EFNA5: variants seen among roughly 807,000 people sequenced by gnomAD.
EFNA5 encodes the protein ephrin A5.
EFNA5 carries 5 observed loss-of-function variants against 22.9 expected under a neutral mutation model. That is an observed-to-expected ratio of 0.22 (90% CI 0.11 to 0.46). The LOEUF (loss-of-function observed/expected upper bound fraction) is 0.46, where lower values mean the gene tolerates loss of function less well. Ranked by LOEUF, EFNA5 falls within the 20% of genes least tolerant of loss-of-function variation. The pLI is 0.99. For missense variants in EFNA5, 237 were observed against 293.3 expected, an observed-to-expected ratio of 0.81 and a Z score of 1.40; for synonymous variants, 113 against 112.2, an observed-to-expected ratio of 1.01 and a Z score of -0.04.
At chr5:107,478,066 T>C (rs1276963034) in intron 1 of EFNA5, among the ~76,000 whole-genome samples, 1 of 152,124 alleles carries the variant, frequency 6.6e-6, no homozygotes, top group African/African-American at 2.4e-5. Flanking sequence ...CTGACAGATA[T>C]ATAATGCCAT....
chr5:107,616,858 T>C (rs1364652525), intron 1 of EFNA5, among the ~76,000 whole-genome samples: 3 of 152,156 alleles, frequency 2.0e-5, no homozygotes, highest in Admixed American at 6.5e-5. Context: ...AAATATTAAT[T>C]TGAATGAGTT....
intron 2 of EFNA5, among the ~76,000 whole-genome samples, chr5:107,389,721 G>A (rs1340056632): frequency 4.6e-5 from 7 of 152,216 alleles, no homozygotes; most frequent in South Asian, 2.1e-4. Flanking sequence ...CAAACGATAC[G>A]CCTCCAGGAA....
chr5:107,550,216 T>A (rs1748259087), intron 1 of EFNA5, among the ~76,000 whole-genome samples: 1 of 152,224 alleles, frequency 6.6e-6, no homozygotes, highest in South Asian at 2.1e-4. Context: ...AGGGAACAAC[T>A]CTTGTCAGCA....
At chr5:107,592,114 T>G (rs1310348557) in intron 1 of EFNA5, among the ~76,000 whole-genome samples, 2 of 128,224 alleles carry the variant, frequency 1.6e-5, no homozygotes, top group African/African-American at 6.1e-5. Flanking sequence ...TTTATATATA[T>G]TATATATAGA....
chr5:107,582,432 G>A (rs1446716920), intron 1 of EFNA5, among the ~76,000 whole-genome samples: 1 of 152,124 alleles, frequency 6.6e-6, no homozygotes, highest in Admixed American at 6.5e-5. Context: ...TTCAATAAAT[G>A]TTTAGAGAAC....
chr5:107,407,245 T>C (rs1343062370), intron 2 of EFNA5, among the ~76,000 whole-genome samples: 1 of 152,068 alleles, frequency 6.6e-6, no homozygotes, highest in African/African-American at 2.4e-5. Context: ...TAATGCCGAG[T>C]AGGAGCAGCA....
At chr5:107,516,211 T>TG (rs10674517) in intron 1 of EFNA5, among the ~76,000 whole-genome samples, 3 of 150,804 alleles carry the variant, frequency 2.0e-5, no homozygotes, top group East Asian at 1.9e-4. Context: ...TGTGTGTGTG[T>TG]TAATTTTTGG....
rs564830443 is a variant in EFNA5 at position 107,494,580 on chromosome 5, A to G, written c.126-67071T>C. 3.2e-3 allele frequency among the ~76,000 whole-genome samples: 486 copies of G among 152,328 alleles called. 4 individuals carry two copies. The highest frequency in any genetic ancestry group is 0.011 in the African/African-American group (442 of 41,582). ...CGACCACCCAAGGGCTGAGGAGTGC[A>G]GGCACACGGCACGGGACTGGCAGGC... On this transcript the variant is annotated intron_variant, in intron 1 of 4. Transcript: ENST00000333274.
intron 1 of EFNA5, among the ~76,000 whole-genome samples, chr5:107,545,300 T>C (rs1466532043): frequency 6.6e-6 from 1 of 152,256 alleles, no homozygotes; most frequent in Non-Finnish European, 1.5e-5. Context: ...CAAAAACACA[T>C]GCAGTATTTC....
In EFNA5 at chr5:107,647,823, T is replaced by C. The variant is rs145461474; in HGVS notation, c.125+22666A>G. ...ACTCACACTGTCACAGGAAATGGGG[T>C]GAATCCAGTCCAATTTACCCATGAA... On this transcript the variant is annotated intron_variant, in intron 1 of 4. Coordinates refer to ENST00000333274, the MANE Select transcript of EFNA5 (RefSeq NM_001962.3). 3.4e-3 allele frequency among the ~76,000 whole-genome samples: 512 copies of C among 151,972 alleles called. 4 individuals are homozygous for C. The highest frequency in any genetic ancestry group is 0.012 in the African/African-American group (485 of 41,508).
At chr5:107,562,595 C>CA (rs1317678225) in intron 1 of EFNA5, among the ~76,000 whole-genome samples, 1 of 152,048 alleles carries the variant, frequency 6.6e-6, no homozygotes, top group Admixed American at 6.6e-5. Context: ...TAGAATTAGA[C>CA]ATAAAGTAAT....
intron 1 of EFNA5, among the ~76,000 whole-genome samples, chr5:107,549,748 C>G (rs1748244524): frequency 6.6e-6 from 1 of 152,236 alleles, no homozygotes; most frequent in South Asian, 2.1e-4. Context: ...TGTAAGAGTC[C>G]TGGCAGTGGC....
intron 1 of EFNA5, among the ~76,000 whole-genome samples, chr5:107,558,748 A>C (rs1010622061): frequency 1.3e-5 from 2 of 152,224 alleles, no homozygotes; most frequent in African/African-American, 4.8e-5. Context: ...TTGTCCTTTC[A>C]TTAATGAGAA....
At position 107,387,780 on chromosome 5, in the gene EFNA5, A is replaced by G; in HGVS notation, c.419-9T>C. 1.9e-6 allele frequency: 3 copies of G among 1,601,286 alleles called. No homozygotes were observed. Among genetic ancestry groups the G allele is most frequent in the Non-Finnish European group, 2.6e-6 (3 of 1,169,816 alleles). ...ATCTGGGATTGCAGAGGCTGTGGGT[A>G]ACACAGAGAGAGAGCAGGAAAGAAA... On this transcript the variant is annotated splice_polypyrimidine_tract_variant and intron_variant, in intron 2 of 4. Coordinates refer to ENST00000333274, the MANE Select transcript of EFNA5 (RefSeq NM_001962.3).
At chr5:107,452,240 T>C (rs1328358224) in intron 1 of EFNA5, among the ~76,000 whole-genome samples, 1 of 151,764 alleles carries the variant, frequency 6.6e-6, no homozygotes, top group Non-Finnish European at 1.5e-5. Flanking sequence ...GGAGGGAACT[T>C]AGAGGACGGG....
chr5:107,380,650 A>T lies in EFNA5; in HGVS notation c.*605T>A, dbSNP rs904851818. The T allele has an allele frequency of 2.5e-5, 7 of 281,132 alleles. No homozygotes were observed. The highest frequency in any genetic ancestry group is 5.4e-5 in the East Asian group (1 of 18,616). The allele number at this position is 281,132 out of a possible 1,614,324, so 17.4% of individuals were successfully genotyped here. A position where few individuals can be genotyped will look rare whatever the true frequency, so the allele number is the denominator to read the frequency against. On this transcript the variant is annotated 3_prime_UTR_variant, in exon 5 of 5. Coordinates refer to ENST00000333274, the MANE Select transcript of EFNA5 (RefSeq NM_001962.3). ...AAGAATGCTTTAAGACAGTCATATT[A>T]AAAAAAAAAACCAGTGTCTCAACCT...
rs374772671 is a variant in EFNA5, at chr5:107,590,673, G to T, written c.125+79816C>A. On this transcript the variant is annotated intron_variant, in intron 1 of 4. Transcript: ENST00000333274. ...CTCCCAAAGTGCTAGGATTACAGGA[G>T]TGAGCCACCACACCTGGCCTCATGG... 2.0e-5 allele frequency among the ~76,000 whole-genome samples: 3 copies of T among 152,204 alleles called. No individual in the cohort carries two copies. In the East Asian group the frequency reaches 5.8e-4, roughly 29 times the overall value.
chr5:107,605,896 G>A (rs1282107595), intron 1 of EFNA5, among the ~76,000 whole-genome samples: 1 of 152,130 alleles, frequency 6.6e-6, no homozygotes, highest in African/African-American at 2.4e-5. Context: ...TATTTCTCTT[G>A]GCACTGAATA....
intron 2 of EFNA5, among the ~76,000 whole-genome samples, chr5:107,426,271 T>C (rs977941515): frequency 1.3e-5 from 2 of 152,194 alleles, no homozygotes; most frequent in Admixed American, 1.3e-4. Context: ...CCAGATAGTT[T>C]AAATATAAAT....
Sources: gnomAD v4.1 joint callset for allele counts (sites outside exome capture counted in the v4.1 genomes callset) on GRCh38, gnomAD v4.1.1 for gene constraint, MANE v1.5 for transcripts, NCBI Gene and HGNC (gene_info 2026-07-23, HGNC 2026-07-21) for gene names.